The following OXCT1 variants were observed in gnomAD, a reference collection of about 807,000 sequenced individuals.
OXCT1 encodes the protein 3-oxoacid CoA-transferase 1, also known as succinyl-CoA:3-ketoacid coenzyme A transferase 1, mitochondrial.
A neutral mutation model predicts 69.6 loss-of-function variants in OXCT1; 27 were observed. That is an observed-to-expected ratio of 0.39 (90% CI 0.29 to 0.54). The LOEUF is 0.54. Among genes scored for constraint, OXCT1 ranks in the 20% least tolerant of loss-of-function variants. The pLI is 0.72. For missense variants in OXCT1, 437 were observed against 650.2 expected (o/e 0.67, Z 3.57); for synonymous variants, 202 against 217.8 (o/e 0.93, Z 0.64).
intron 7 of OXCT1, among the ~76,000 whole-genome samples, chr5:41,827,400 T>C (rs1210644299): frequency 2.6e-5 from 4 of 152,180 alleles, no homozygotes; most frequent in South Asian, 2.1e-4. Context: ...ATGTCAGTTT[T>C]CTCATTTACA....
intron 7 of OXCT1, among the ~76,000 whole-genome samples, chr5:41,809,389 C>A (rs958801303): frequency 6.6e-6 from 1 of 151,916 alleles, no homozygotes; most frequent in South Asian, 2.1e-4. Context: ...TGACATGTAC[C>A]AAAGAGGGCA....
Position 41,803,133 on chromosome 5 carries a change from G to T in OXCT1, c.986C>A (p.Ala329Asp). Reference sequence around the variant, plus strand: ...TATATTTGGGCTGATAAAATTGCTGGCCAGGAGAGGGATTCCTATGCCCAA... The same window carrying T: ...TATATTTGGGCTGATAAAATTGCTGTCCAGGAGAGGGATTCCTATGCCCAA... The part of the protein sequence containing the change: ...ANLGIGIPLL[A>D]SNFISPNITV... Residue 329 changes from alanine (A) to aspartate (D), a missense_variant, in exon 10 of 17, where the codon GCC becomes GAC. This residue lies in a region of OXCT1 where 252 missense variants were observed against 397.4 expected (regional missense o/e 0.63). Transcript: ENST00000196371. 6.2e-7 allele frequency: 1 copy of T among 1,611,524 alleles called. No individual in the cohort carries two copies. Among genetic ancestry groups the T allele is most frequent in the South Asian group, 1.1e-5 (1 of 91,010 alleles).
rs1005658998 is a variant in OXCT1, at chr5:41,870,110, C to T, written c.78+171G>A. The stretch of plus-strand genomic sequence containing the variant: ...AAGCAAAGGCGGTCATCCGAGGGGC[C>T]GGCGAGGCCAGGAACGCGTCGCCGC... On this transcript the variant is annotated intron_variant, in intron 1 of 16. Transcript: ENST00000196371. This position sits in a 1 kb window ranked among gnomAD's most constrained non-coding sequence, Gnocchi z 4.2. 4.5e-5 allele frequency: 31 copies of T among 681,500 alleles called. No homozygotes were observed. The highest frequency in any genetic ancestry group is 4.4e-4 in the African/African-American group (25 of 56,384). 42.2% of individuals were successfully genotyped at this position (681,500 alleles called of 1,614,324 possible).
chr5:41,800,242 C>T (rs1746361694), intron 11 of OXCT1, among the ~76,000 whole-genome samples: 1 of 152,058 alleles, frequency 6.6e-6, no homozygotes, highest in Non-Finnish European at 1.5e-5. Context: ...CTCTAGTCCC[C>T]AGTTCAACAA....
Position 41,738,055 on chromosome 5 carries a change from A to T in OXCT1, c.1521+1335T>A, listed in dbSNP as rs561575800. On this transcript the variant is annotated intron_variant, in intron 16 of 16. Coordinates refer to ENST00000196371, the MANE Select transcript of OXCT1 (RefSeq NM_000436.4). Reference sequence around the variant, plus strand: ...GGGCAACAGAACAAGACTCCGTCTTAAAAAAAAAATGTGTTATGCACTGAT... The same window carrying T: ...GGGCAACAGAACAAGACTCCGTCTTTAAAAAAAAATGTGTTATGCACTGAT... Among the ~76,000 whole-genome samples the T allele has an allele frequency of 2.0e-5, 3 of 150,164 alleles. No homozygotes were observed. In the East Asian group the frequency reaches 5.8e-4, roughly 29 times the overall value.
chr5:41,827,459 G>A (rs925265653), intron 7 of OXCT1, among the ~76,000 whole-genome samples: 3 of 152,272 alleles, frequency 2.0e-5, no homozygotes, highest in Admixed American at 6.5e-5. Flanking sequence ...GTGATTAGAG[G>A]ATCCGATGAG....
chr5:41,843,160 C>A (rs574176790), intron 5 of OXCT1, among the ~76,000 whole-genome samples: 1 of 152,260 alleles, frequency 6.6e-6, no homozygotes, highest in Non-Finnish European at 1.5e-5. Context: ...ATAAAATGGT[C>A]TATGTATTGT....
intron 13 of OXCT1, among the ~76,000 whole-genome samples, chr5:41,786,143 C>G (rs556341224): frequency 1.8e-4 from 27 of 152,118 alleles, no homozygotes; most frequent in Admixed American, 1.2e-3. Flanking sequence ...GCAGGAAAGT[C>G]AGAAGCTGCT....
rs776532355 is a variant in OXCT1 at position 41,870,391 on chromosome 5, T to C, written c.-33A>G. On this transcript the variant is annotated 5_prime_UTR_variant, in exon 1 of 17. Coordinates refer to ENST00000196371, the MANE Select transcript of OXCT1 (RefSeq NM_000436.4). The surrounding 1 kb of genome is among the most constrained non-coding windows in gnomAD (Gnocchi z 4.2). ...CGGTGAGGCAGGAGGAGGCTGCGGG[T>C]TGGAGCGCGCGTTTGAGCGTCGGTG... 1.3e-6 allele frequency: 2 copies of C among 1,566,066 alleles called. No individual in the cohort carries two copies. The highest frequency in any genetic ancestry group is 1.8e-6 in the Non-Finnish European group (2 of 1,140,234).
At chr5:41,808,141 T>C (rs1746778514) in intron 7 of OXCT1, among the ~76,000 whole-genome samples, 1 of 152,012 alleles carries the variant, frequency 6.6e-6, no homozygotes, top group Admixed American at 6.6e-5. Context: ...TTAGAATTAA[T>C]TTAAAAGACA....
intron 16 of OXCT1, 104 bp downstream of exon 16, chr5:41,739,286 A>G: frequency 1.2e-6 from 1 of 820,302 alleles, no homozygotes; most frequent in Non-Finnish European, 2.1e-6. Flanking sequence ...GTAAAGGTCA[A>G]CTCCAAAAAT....
At chr5:41,776,111 CTACTT>C (rs1374013805) in intron 13 of OXCT1, among the ~76,000 whole-genome samples, 1 of 152,192 alleles carries the variant, frequency 6.6e-6, no homozygotes, top group African/African-American at 2.4e-5. Context: ...GAAGGGCACT[CTACTT>C]CTATGATATT....
At chr5:41,840,608 C>T in intron 6 of OXCT1, 97 bp from the exon 7 acceptor site, 2 of 686,482 alleles carry the variant, frequency 2.9e-6, no homozygotes, top group Admixed American at 5.2e-5. Context: ...TTTCTATGAA[C>T]TAAGAATCTA....
At chr5:41,737,392 TA>T (rs1742937630) in intron 16 of OXCT1, among the ~76,000 whole-genome samples, 1 of 151,998 alleles carries the variant, frequency 6.6e-6, no homozygotes, top group African/African-American at 2.4e-5. Flanking sequence ...CCCACATGAA[TA>T]AAAAAAGAAC....
chr5:41,833,406 C>CA (rs1375599646), intron 7 of OXCT1, among the ~76,000 whole-genome samples: 1 of 149,984 alleles, frequency 6.7e-6, no homozygotes, highest in Non-Finnish European at 1.5e-5. Flanking sequence ...GTATATATGG[C>CA]AAAATATCTT....
At position 41,840,480 on chromosome 5, in the gene OXCT1, A is replaced by T; in HGVS notation, c.703T>A (p.Cys235Ser). Residue 235 changes from cysteine (C) to serine (S), a missense_variant, in exon 7 of 17, where the codon TGC (cysteine) becomes AGC (serine). Cys to Ser is a moderately radical substitution (Grantham distance 112, BLOSUM62 -1). Transcript: ENST00000196371. Reference sequence around the variant, plus strand: ...ACCACTGTGGTTTCTGCAGCTTTGCACATTGGCAAGTTGAAATTCCTTGCA... The same window carrying T: ...ACCACTGTGGTTTCTGCAGCTTTGCTCATTGGCAAGTTGAAATTCCTTGCA... ...KSARNFNLPMCKAAETTVVEV... is the reference protein window; with the variant it reads ...KSARNFNLPMSKAAETTVVEV... 6.2e-7 allele frequency: 1 copy of T among 1,613,512 alleles called. No individual in the cohort carries two copies. Among genetic ancestry groups the T allele is most frequent in the Middle Eastern group, 1.7e-4 (1 of 6,054 alleles).
intron 13 of OXCT1, among the ~76,000 whole-genome samples, chr5:41,792,793 G>T (rs972832212): frequency 6.6e-6 from 1 of 152,130 alleles, no homozygotes; most frequent in Non-Finnish European, 1.5e-5. Context: ...ATTTTAAAAT[G>T]AAGTGAGTTG....
intron 13 of OXCT1, among the ~76,000 whole-genome samples, chr5:41,763,283 A>C (rs1229416273): frequency 3.9e-5 from 6 of 152,150 alleles, no homozygotes; most frequent in African/African-American, 1.4e-4. Flanking sequence ...GGAATCTGTC[A>C]GTAAATAAGA....
At chr5:41,772,521 T>C (rs1744923584) in intron 13 of OXCT1, among the ~76,000 whole-genome samples, 1 of 152,140 alleles carries the variant, frequency 6.6e-6, no homozygotes, top group Non-Finnish European at 1.5e-5. Flanking sequence ...AAGATCATGC[T>C]ATGTATAATA....
Sources: allele counts gnomAD v4.1 joint callset (sites outside exome capture counted in the v4.1 genomes callset), GRCh38; gene constraint gnomAD v4.1.1; regional missense constraint gnomAD v4.1.1; non-coding constraint Gnocchi (gnomAD v3.1); transcripts MANE v1.5; gene names NCBI Gene and HGNC (gene_info 2026-07-23, HGNC 2026-07-21).